Variants in CLIC5 observed in about 807,000 individuals in gnomAD.
CLIC5 encodes CLIC family member 5.
A neutral mutation model predicts 24.7 loss-of-function variants in CLIC5; 20 were observed. That is an observed-to-expected ratio of 0.81 (90% CI 0.57 to 1.18). The LOEUF (loss-of-function observed/expected upper bound fraction) is 1.18. Among genes scored for constraint, CLIC5 ranks in the 50% most tolerant of loss-of-function variants. The pLI is 0.00. For synonymous variants in CLIC5, 159 were observed against 135.6 expected (o/e 1.17, Z -1.20); for missense variants, 341 against 326.1 (o/e 1.05, Z -0.35).
intron 5 of CLIC5, among the ~76,000 whole-genome samples, chr6:45,908,136 G>C (rs1762712477): frequency 6.6e-6 from 1 of 152,072 alleles, no homozygotes; most frequent in South Asian, 2.1e-4. Context: ...ATTTCTGATT[G>C]TGCTTATTTG....
At chr6:46,088,194 T>TGTGTGTGTGTGA in the CLIC5 span, among the ~76,000 whole-genome samples, 5 of 151,394 alleles carry the variant, frequency 3.3e-5, no homozygotes, top group African/African-American at 9.7e-5. Flanking sequence ...TGTGTGTGTG[T>TGTGTGTGTGTGA]GACACTGTAT....
chr6:45,970,759 G>T (rs1765174484), intron 1 of CLIC5, among the ~76,000 whole-genome samples: 1 of 152,158 alleles, frequency 6.6e-6, no homozygotes, highest in Non-Finnish European at 1.5e-5. Context: ...CCTGCATACT[G>T]GTCCCAGTTG....
chr6:45,906,115 C>T (rs1288179846), intron 5 of CLIC5, among the ~76,000 whole-genome samples: 7 of 152,094 alleles, frequency 4.6e-5, no homozygotes, highest in Admixed American at 3.3e-4. Context: ...TTACTGTAGC[C>T]TTATAGTGCA....
intron 1 of CLIC5, among the ~76,000 whole-genome samples, chr6:45,997,597 G>A (rs1766197134): frequency 6.6e-6 from 1 of 151,180 alleles, no homozygotes; most frequent in East Asian, 1.9e-4. Flanking sequence ...GCACTGGGTA[G>A]CAATGAAGTA....
intron 1 of CLIC5, among the ~76,000 whole-genome samples, chr6:45,958,437 T>TACACACACACACACACACACACAC (rs1561964449): frequency 1.3e-4 from 1 of 7,770 alleles, no homozygotes; most frequent in African/African-American, 3.0e-4. Context: ...TATATATATA[T>TACACACACACACACACACACACAC]ATATATATAT....
chr6:45,930,297 C>T (rs1299573096), intron 4 of CLIC5, among the ~76,000 whole-genome samples: 2 of 151,956 alleles, frequency 1.3e-5, no homozygotes, highest in Admixed American at 1.3e-4. Context: ...CAAGGAAGTT[C>T]GTAAATGTAA....
At chr6:46,011,474 C>T (rs368488255) in intron 1 of CLIC5, among the ~76,000 whole-genome samples, 32 of 152,342 alleles carry the variant, frequency 2.1e-4, no homozygotes, top group Non-Finnish European at 4.1e-4. Context: ...CCCACAGACA[C>T]ACTGATGTAA....
chr6:46,016,418 G>C (rs537426999), upstream of CLIC5, among the ~76,000 whole-genome samples: 2 of 152,010 alleles, frequency 1.3e-5, no homozygotes, highest in African/African-American at 2.4e-5. Flanking sequence ...TGCTGGGGAC[G>C]GGCAGGGCAG....
At chr6:45,927,887 C>T (rs1228298882) in intron 4 of CLIC5, among the ~76,000 whole-genome samples, 1 of 152,226 alleles carries the variant, frequency 6.6e-6, no homozygotes, top group East Asian at 1.9e-4. Flanking sequence ...TCCCTTCCAA[C>T]TAAGAACCTA....
At chr6:45,914,556 C>A in intron 4 of CLIC5, 147 bp from the exon 5 acceptor site, 2 of 1,262,882 alleles carry the variant, frequency 1.6e-6, no homozygotes, top group Non-Finnish European at 2.0e-6. Flanking sequence ...ACCTGGAAAC[C>A]ATTAACACAA....
the CLIC5 span, among the ~76,000 whole-genome samples, chr6:46,114,545 T>C: frequency 6.6e-6 from 1 of 152,208 alleles, no homozygotes; most frequent in Non-Finnish European, 1.5e-5. Context: ...AGTTCCTTCC[T>C]GTATAGGTAC....
upstream of CLIC5, among the ~76,000 whole-genome samples, chr6:46,016,096 G>A (rs922583653): frequency 1.0e-4 from 15 of 149,322 alleles, no homozygotes; most frequent in African/African-American, 3.0e-4. Context: ...TCGAGGAGAA[G>A]GGGAAGGGGA....
chr6:45,980,681 G>A (rs1163957069), intron 1 of CLIC5, among the ~76,000 whole-genome samples: 1 of 151,436 alleles, frequency 6.6e-6, no homozygotes, highest in Non-Finnish European at 1.5e-5. Flanking sequence ...GCTGCAAAAT[G>A]TATCGGTTGT....
chr6:45,991,016 A>C (rs1765917509), intron 1 of CLIC5, among the ~76,000 whole-genome samples: 2 of 152,294 alleles, frequency 1.3e-5, no homozygotes, highest in South Asian at 4.1e-4. Context: ...ATTATTGTGG[A>C]GGAACATTAG....
chr6:46,090,494 G>A, the CLIC5 span, among the ~76,000 whole-genome samples: 4 of 150,724 alleles, frequency 2.7e-5, no homozygotes, highest in Non-Finnish European at 5.9e-5. Context: ...TTTGATCTAT[G>A]TGTCACTTTA....
intron 6 of CLIC5, among the ~76,000 whole-genome samples, chr6:45,882,505 C>G (rs967944709): frequency 7.9e-5 from 12 of 152,252 alleles, no homozygotes; most frequent in African/African-American, 2.9e-4. Flanking sequence ...CTCCTTCCCA[C>G]TCTTTTCCCA....
chr6:45,954,271 TCA>T (rs1764566777), intron 2 of CLIC5, among the ~76,000 whole-genome samples: 1 of 63,568 alleles, frequency 1.6e-5, no homozygotes, highest in Non-Finnish European at 2.6e-5. Context: ...AGACTCTGTC[TCA>T]AAAAAAAAAA....
chr6:46,118,830 A>G, the CLIC5 span, among the ~76,000 whole-genome samples: 1 of 152,336 alleles, frequency 6.6e-6, no homozygotes, highest in East Asian at 1.9e-4. Context: ...AGATTGTACA[A>G]GTTACCTTAC....
At chr6:46,120,008 A>G in the CLIC5 span, among the ~76,000 whole-genome samples, 2 of 152,246 alleles carry the variant, frequency 1.3e-5, no homozygotes, top group African/African-American at 4.8e-5. Context: ...CTCTGGGGGC[A>G]GGGCATAGCC....
Sources: gnomAD v4.1 joint callset for allele counts (sites outside exome capture counted in the v4.1 genomes callset) on GRCh38, gnomAD v4.1.1 for gene constraint, MANE v1.5 for transcripts, NCBI Gene and HGNC (gene_info 2026-07-23, HGNC 2026-07-21) for gene names.